The following RASAL2 variants were observed in gnomAD, a reference collection of about 807,000 sequenced individuals.
RASAL2 encodes the protein RAS protein activator like 2.
In RASAL2, 58 loss-of-function variants were observed where a neutral mutation model predicts 128.9. That is an observed-to-expected ratio of 0.45 (90% confidence interval 0.36 to 0.56). RASAL2 has a LOEUF of 0.56. Among genes scored for constraint, RASAL2 ranks in the 20% least tolerant of loss-of-function variants. RASAL2 has a pLI of 0.00. For missense variants in RASAL2, 1,360 were observed against 1,601.6 expected (o/e 0.85, Z 2.57); for synonymous variants, 561 against 580.8 (o/e 0.97, Z 0.49).
chr1:178,203,286 A>G (rs1027168424), intron 1 of RASAL2, among the ~76,000 whole-genome samples: 10 of 152,192 alleles, frequency 6.6e-5, no homozygotes, highest in Non-Finnish European at 8.8e-5. Context: ...TGCTTATGGA[A>G]TTCACTGGTC....
At chr1:178,231,851 A>G (rs1195170826) in intron 1 of RASAL2, among the ~76,000 whole-genome samples, 1 of 152,194 alleles carries the variant, frequency 6.6e-6, no homozygotes, top group Non-Finnish European at 1.5e-5. Context: ...TATGTTTTTG[A>G]GAAAGCCAAA....
chr1:178,150,871 A>G lies in RASAL2; in HGVS notation c.202+56177A>G, dbSNP rs538660963. The stretch of plus-strand genomic sequence containing the variant: ...TCTGCCTTATTATTTCAGCTGTTAT[A>G]CTGTAAATAAGCATCCTTTTTGCTA... On this transcript the variant is annotated intron_variant, in intron 1 of 17. Coordinates refer to ENST00000367649, the MANE Select transcript of RASAL2 (RefSeq NM_170692.4). Among the ~76,000 whole-genome samples the G allele has an allele frequency of 5.3e-5, 8 of 152,268 alleles. No homozygotes were observed. In the South Asian group the frequency reaches 1.7e-3, roughly 32 times the overall value.
intron 3 of RASAL2, among the ~76,000 whole-genome samples, chr1:178,358,347 A>C (rs1670927747): frequency 6.6e-6 from 1 of 151,560 alleles, no homozygotes; most frequent in Non-Finnish European, 1.5e-5. Flanking sequence ...ACTTCTGTCC[A>C]TCTATAGACT....
intron 2 of RASAL2, among the ~76,000 whole-genome samples, chr1:178,285,230 C>G (rs1389396779): frequency 1.3e-5 from 2 of 149,952 alleles, no homozygotes; most frequent in African/African-American, 4.9e-5. Flanking sequence ...ACGCCATTCT[C>G]CTGCCTCAGC....
intron 4 of RASAL2, among the ~76,000 whole-genome samples, chr1:178,393,906 A>T (rs1673064748): frequency 6.6e-6 from 1 of 152,240 alleles, no homozygotes; most frequent in African/African-American, 2.4e-5. Context: ...TCTTGGTATT[A>T]CTGATAATGT....
At chr1:178,299,968 T>C in intron 2 of RASAL2, 24 bp from the exon 3 acceptor site, 1 of 1,609,196 alleles carries the variant, frequency 6.2e-7, no homozygotes, top group Non-Finnish European at 8.5e-7. Context: ...TATTAAGTTT[T>C]ATCTTTTGCT....
At chr1:178,201,464 C>G (rs756630828) in intron 1 of RASAL2, among the ~76,000 whole-genome samples, 1 of 152,110 alleles carries the variant, frequency 6.6e-6, no homozygotes, top group African/African-American at 2.4e-5. Flanking sequence ...ATACCCTTAG[C>G]GAAATGGATT....
chr1:178,457,767 C>G lies in RASAL2; in HGVS notation c.2475C>G (p.Ala825=). Residue 825 remains alanine, a synonymous_variant, in exon 14 of 18, where the codon GCC becomes GCG. Transcript: ENST00000367649. The part of the protein sequence containing the change: ...RGKTLLLVQQ[A]SSQSMTYSEK... ...AAACATTATTGCTGGTTCAGCAAGCCTCCTCTCAGAGCATGACTTATTCTG... is the reference window on the plus strand; with the variant it reads ...AAACATTATTGCTGGTTCAGCAAGCGTCCTCTCAGAGCATGACTTATTCTG... The G allele has an allele frequency of 6.2e-7, 1 of 1,614,188 alleles. No individual in the cohort carries two copies. Among genetic ancestry groups the G allele is most frequent in the Non-Finnish European group, 8.5e-7 (1 of 1,180,020 alleles).
rs1349764632 is a variant in RASAL2 at position 178,384,514 on chromosome 1, T to TAA, written c.458-5583_458-5582dup. On this transcript the variant is annotated intron_variant, in intron 3 of 17. Coordinates refer to ENST00000367649, the MANE Select transcript of RASAL2 (RefSeq NM_170692.4). ...TAGCACATAAATTCTCAACATGAGC[T>TAA]AAAATTCGCTGGGTGTGGTGGCACG... Among the ~76,000 whole-genome samples, 14 of 152,056 alleles carry TAA rather than the reference T, an allele frequency of 9.2e-5. No individual in the cohort carries two copies. In the East Asian group the frequency reaches 2.3e-3, roughly 25 times the overall value.
intron 1 of RASAL2, among the ~76,000 whole-genome samples, chr1:178,248,424 T>G (rs1389929552): frequency 1.3e-5 from 2 of 151,812 alleles, no homozygotes; most frequent in Non-Finnish European, 3.0e-5. Context: ...CCCTTTATTT[T>G]GAGCCCATGT....
chr1:178,371,214 A>G (rs1671679418), intron 3 of RASAL2, among the ~76,000 whole-genome samples: 1 of 151,704 alleles, frequency 6.6e-6, no homozygotes, highest in South Asian at 2.1e-4. Flanking sequence ...ATTCATCTGG[A>G]TCTGACACCT....
chr1:178,459,688 A>T (rs1385849752), intron 14 of RASAL2, among the ~76,000 whole-genome samples: 1 of 152,192 alleles, frequency 6.6e-6, no homozygotes, highest in Admixed American at 6.5e-5. Flanking sequence ...TGGATACAGA[A>T]ATAGAAGAAG....
Position 178,321,760 on chromosome 1 carries a change from G to A in RASAL2, c.457+21642G>A, listed in dbSNP as rs534025981. Among the ~76,000 whole-genome samples the A allele has an allele frequency of 3.9e-5, 6 of 151,936 alleles. No homozygotes were observed. The East Asian group carries it at 5.9e-4, about 15-fold the overall frequency. ...TCCCAGCACTTTGGGAGGCCAAGGC[G>A]GGTGGATCACCTGAGGTCAGGAGTT... On this transcript the variant is annotated intron_variant, in intron 3 of 17. Transcript: ENST00000367649.
At position 178,442,827 on chromosome 1, in the gene RASAL2, G is replaced by A; in HGVS notation, c.1080G>A (p.Trp360Ter). 6.2e-7 allele frequency: 1 copy of A among 1,613,878 alleles called. No homozygotes were observed. Among genetic ancestry groups the A allele is most frequent in the Non-Finnish European group, 8.5e-7 (1 of 1,179,940 alleles). ...AGACCAAAGCAGACAATATTTTCTGGGGCGAACATTTTGAATTCTTCAGCC... is the reference window on the plus strand; with the variant it reads ...AGACCAAAGCAGACAATATTTTCTGAGGCGAACATTTTGAATTCTTCAGCC... The part of the protein sequence containing the change: ...TSKTKADNIF[W>*]GEHFEFFSLP... Residue 360 changes from tryptophan to a stop codon, truncating the protein, a stop_gained, in exon 8 of 18, where the codon TGG (tryptophan) becomes TGA (stop). Transcript: ENST00000367649. LOFTEE classifies it high-confidence loss of function.
intron 3 of RASAL2, among the ~76,000 whole-genome samples, chr1:178,384,675 A>C (rs12048788): frequency 0.079 from 11,854 of 149,540 alleles, 553 homozygotes; most frequent in Middle Eastern, 0.13. Flanking sequence ...AAAAAAAAAA[A>C]ACACACACAC....
chr1:178,275,319 T>A (rs1464341606), intron 1 of RASAL2, among the ~76,000 whole-genome samples: 1 of 152,214 alleles, frequency 6.6e-6, no homozygotes, highest in East Asian at 1.9e-4. Flanking sequence ...TAGCTGGGAC[T>A]ATAGAGGCAT....
intron 5 of RASAL2, among the ~76,000 whole-genome samples, chr1:178,427,003 G>A (rs1471530998): frequency 6.6e-6 from 1 of 152,112 alleles, no homozygotes; most frequent in East Asian, 1.9e-4. Context: ...AAGGCGGATA[G>A]TAGCAGTGGA....
chr1:178,298,164 A>C (rs1667602213), intron 2 of RASAL2, among the ~76,000 whole-genome samples: 1 of 152,188 alleles, frequency 6.6e-6, no homozygotes, highest in South Asian at 2.1e-4. Context: ...ATAGTCATTT[A>C]AACCTATCAG....
chr1:178,106,422 G>A (rs1236181070), intron 1 of RASAL2, among the ~76,000 whole-genome samples: 1 of 152,144 alleles, frequency 6.6e-6, no homozygotes, highest in African/African-American at 2.4e-5. Context: ...GAAACCCAAG[G>A]CCTTTCTGTT....
Sources: gnomAD v4.1 joint callset for allele counts (sites outside exome capture counted in the v4.1 genomes callset) on GRCh38, gnomAD v4.1.1 for gene constraint, MANE v1.5 for transcripts, NCBI Gene and HGNC (gene_info 2026-07-23, HGNC 2026-07-21) for gene names.